ATRNL1: variants seen among roughly 807,000 people sequenced by gnomAD.
The protein encoded by ATRNL1 is attractin-like protein 1.
ATRNL1 carries 95 observed loss-of-function variants against 182.7 expected under a neutral mutation model. The observed-to-expected ratio is 0.52, with a 90% CI of 0.44 to 0.62. The LOEUF is 0.62. Ranked by LOEUF, ATRNL1 falls within the 20% of genes least tolerant of loss-of-function variation. The pLI, the probability that ATRNL1 is intolerant of heterozygous loss-of-function variation, is 0.00. For missense variants in ATRNL1, 1,471 were observed against 1,679.5 expected, an observed-to-expected ratio of 0.88 and a Z score of 2.17; for synonymous variants, 576 against 568.3, an observed-to-expected ratio of 1.01 and a Z score of -0.19.
intron 27 of ATRNL1, among the ~76,000 whole-genome samples, chr10:115,774,292 A>G (rs1455535005): frequency 1.3e-5 from 2 of 151,830 alleles, no homozygotes; most frequent in Non-Finnish European, 2.9e-5. Flanking sequence ...GCCAGGCATG[A>G]TGGCAGGCAC....
chr10:115,610,967 A>C (rs1857123062), intron 26 of ATRNL1, among the ~76,000 whole-genome samples: 1 of 152,122 alleles, frequency 6.6e-6, no homozygotes, highest in Admixed American at 6.6e-5. Context: ...TTTGTTCTAA[A>C]ATTTTAAACA....
intron 9 of ATRNL1, among the ~76,000 whole-genome samples, chr10:115,222,719 A>C (rs1264095454): frequency 1.3e-5 from 2 of 152,212 alleles, no homozygotes; most frequent in Admixed American, 1.3e-4. Flanking sequence ...AATGTAAGCA[A>C]AATAAGAGCA....
At chr10:115,791,235 C>T (rs1949524935) in intron 27 of ATRNL1, among the ~76,000 whole-genome samples, 1 of 152,186 alleles carries the variant, frequency 6.6e-6, no homozygotes, top group Admixed American at 6.5e-5. Context: ...TTCCCCCTTC[C>T]TCATGCCAAC....
At chr10:115,520,687 G>T (rs1850880946) in intron 25 of ATRNL1, among the ~76,000 whole-genome samples, 1 of 152,084 alleles carries the variant, frequency 6.6e-6, no homozygotes, top group Admixed American at 6.5e-5. Context: ...GCCTCCCTAT[G>T]ATATCTCTCC....
chr10:115,818,972 A>T (rs1365126497), intron 27 of ATRNL1, among the ~76,000 whole-genome samples: 1 of 152,062 alleles, frequency 6.6e-6, no homozygotes, highest in Non-Finnish European at 1.5e-5. Context: ...CTTCCCTTTC[A>T]TGTCACAATT....
At chr10:115,108,214 A>G (rs1162532041) in intron 1 of ATRNL1, among the ~76,000 whole-genome samples, 2 of 152,164 alleles carry the variant, frequency 1.3e-5, no homozygotes, top group African/African-American at 4.8e-5. Context: ...ATGCAGTTAA[A>G]AGTAGCCACG....
intron 8 of ATRNL1, among the ~76,000 whole-genome samples, chr10:115,186,382 T>C (rs1554888749): frequency 1.3e-5 from 2 of 148,518 alleles, no homozygotes; most frequent in Non-Finnish European, 3.0e-5. Context: ...AGAAAGAAGA[T>C]CATTATAGCG....
At chr10:115,203,745 A>ATTTT (rs71476116) in intron 8 of ATRNL1, among the ~76,000 whole-genome samples, 4 of 106,046 alleles carry the variant, frequency 3.8e-5, no homozygotes, top group African/African-American at 4.0e-5. Context: ...ATGCCTGGCT[A>ATTTT]TTTTTTTTTT....
chr10:115,098,978 A>G (rs782804175), intron 1 of ATRNL1, among the ~76,000 whole-genome samples: 1 of 152,360 alleles, frequency 6.6e-6, no homozygotes, highest in East Asian at 1.9e-4. Context: ...ATACAATTTG[A>G]TAAGTTTTGT....
intron 25 of ATRNL1, among the ~76,000 whole-genome samples, chr10:115,545,234 CAAAAAAAAAA>C (rs71010026): frequency 3.2e-5 from 3 of 94,860 alleles, no homozygotes; most frequent in Non-Finnish European, 6.0e-5. Flanking sequence ...GACTCCGTAT[CAAAAAAAAAA>C]AAAAAAAAAA....
chr10:115,482,965 C>A (rs1223419698), intron 24 of ATRNL1, among the ~76,000 whole-genome samples: 1 of 151,274 alleles, frequency 6.6e-6, no homozygotes. Context: ...AGGGGATAAT[C>A]TGTTTGCTAA....
intron 8 of ATRNL1, among the ~76,000 whole-genome samples, chr10:115,179,943 A>G (rs2144151679): frequency 6.6e-6 from 1 of 151,978 alleles, no homozygotes; most frequent in South Asian, 2.1e-4. Flanking sequence ...TTATTTATGT[A>G]TTTCTTCTTA....
intron 26 of ATRNL1, among the ~76,000 whole-genome samples, chr10:115,703,412 G>A (rs1946800087): frequency 6.6e-6 from 1 of 151,902 alleles, no homozygotes; most frequent in South Asian, 2.1e-4. Context: ...TGACAAGTCA[G>A]ATCTAATTAA....
intron 24 of ATRNL1, among the ~76,000 whole-genome samples, chr10:115,505,023 A>T (rs1554980962): frequency 2.0e-5 from 3 of 152,134 alleles, no homozygotes; most frequent in African/African-American, 7.2e-5. Context: ...ATTAAAGGAG[A>T]CAACTCAGGT....
At chr10:115,152,336 C>T (rs562298997) in intron 5 of ATRNL1, among the ~76,000 whole-genome samples, 1 of 152,238 alleles carries the variant, frequency 6.6e-6, no homozygotes, top group East Asian at 1.9e-4. Context: ...GTTGATTCTC[C>T]CTGTCCACGA....
At chr10:115,808,986 G>A (rs1460951042) in intron 27 of ATRNL1, among the ~76,000 whole-genome samples, 3 of 151,966 alleles carry the variant, frequency 2.0e-5, no homozygotes, top group Non-Finnish European at 2.9e-5. Flanking sequence ...ATTTAGGTCT[G>A]TATTGTATTT....
rs557814973 is a variant in ATRNL1, at chr10:115,549,181, A to G, written c.3717-277A>G. On this transcript the variant is annotated intron_variant, in intron 25 of 28. Transcript: ENST00000355044. ...TTTTGGTTGTGATTTCTGTTGCTTC[A>G]TAAGACCAATGTAATTATAAATTTA... Among the ~76,000 whole-genome samples the G allele has an allele frequency of 2.6e-5, 4 of 152,200 alleles. No homozygotes were observed. The East Asian group carries it at 7.7e-4, about 29-fold the overall frequency.
At chr10:115,386,473 T>A (rs1858355209) in intron 19 of ATRNL1, among the ~76,000 whole-genome samples, 1 of 152,030 alleles carries the variant, frequency 6.6e-6, no homozygotes, top group African/African-American at 2.4e-5. Context: ...GCTTACAGAC[T>A]CCCCACTGAG....
intron 28 of ATRNL1, among the ~76,000 whole-genome samples, chr10:115,878,310 A>G (rs546007500): frequency 3.3e-5 from 5 of 152,370 alleles, no homozygotes; most frequent in Admixed American, 3.3e-4. Context: ...GAAAGACATA[A>G]TTTACTTATT....
Sources: allele counts gnomAD v4.1 joint callset (sites outside exome capture counted in the v4.1 genomes callset), GRCh38; gene constraint gnomAD v4.1.1; transcripts MANE v1.5; gene names NCBI Gene and HGNC (gene_info 2026-07-23, HGNC 2026-07-21).